The following DRAP1 variants were observed in gnomAD, a reference collection of about 807,000 sequenced individuals.
The protein encoded by DRAP1 is dr1-associated corepressor.
Under a neutral mutation model 24.1 loss-of-function variants are expected in DRAP1, and 10 were observed. That is an observed-to-expected ratio of 0.41 (90% CI 0.26 to 0.70). The LOEUF is 0.70. Ranked by LOEUF, DRAP1 falls within the 30% of genes least tolerant of loss-of-function variation. The probability of loss-of-function intolerance (pLI) is 0.29; values close to 1 mark genes in which losing one functional copy is unlikely to be tolerated. For synonymous variants in DRAP1, 122 were observed against 113.8 expected, an observed-to-expected ratio of 1.07 and a Z score of -0.46; for missense variants, 264 against 275.6, an observed-to-expected ratio of 0.96 and a Z score of 0.30.
chr11:65,919,460 G>A lies in DRAP1; in HGVS notation c.-42G>A. ...GCAGGCCCGGGAGCCGGGAGGCTGCGGGCGGCGGCGCTGGACCCGACGCGG... is the reference window on the plus strand; with the variant it reads ...GCAGGCCCGGGAGCCGGGAGGCTGCAGGCGGCGGCGCTGGACCCGACGCGG... On this transcript the variant is annotated 5_prime_UTR_variant, in exon 1 of 7. Transcript: ENST00000312515. 1.3e-6 allele frequency: 2 copies of A among 1,516,160 alleles called. No individual in the cohort carries two copies. The highest frequency in any genetic ancestry group is 1.8e-6 in the Non-Finnish European group (2 of 1,133,370). The allele number at this position is 1,516,160 out of a possible 1,614,324, so 93.9% of individuals were successfully genotyped here. A position where few individuals can be genotyped will look rare whatever the true frequency, so the allele number is the denominator to read the frequency against.
rs1854530796 is a variant in DRAP1 at position 65,920,234 on chromosome 11, G to A, written c.210-109G>A. Reference sequence around the variant, plus strand: ...GTAAAGCAGGGCAGGCCCGGGAGCGGAGATCGGCCCGGGCTCCAGCCTGAC... The same window carrying A: ...GTAAAGCAGGGCAGGCCCGGGAGCGAAGATCGGCCCGGGCTCCAGCCTGAC... On this transcript the variant is annotated intron_variant, in intron 3 of 6. Transcript: ENST00000312515. 3 of 1,544,044 alleles carry A rather than the reference G, an allele frequency of 1.9e-6. No homozygotes were observed. The African/African-American group carries it at 4.1e-5, about 21-fold the overall frequency.
chr11:65,921,244 A>G, intron 6 of DRAP1, 86 bp from the exon 7 acceptor site: 1 of 755,926 alleles, frequency 1.3e-6, no homozygotes, highest in Non-Finnish European at 2.2e-6. Context: ...GGAGGGTCAG[A>G]TGGGGGAGGG....
Position 65,921,381 on chromosome 11 carries a change from GC to G in DRAP1, c.569del (p.Pro190ArgfsTer28). 1 of 1,610,660 alleles carries G rather than the reference GC, an allele frequency of 6.2e-7. No individual in the cohort carries two copies. Among genetic ancestry groups the G allele is most frequent in the Non-Finnish European group, 8.5e-7 (1 of 1,177,276 alleles). Reference sequence around the variant, plus strand: ...CCTCTACTCTGCCTTTGCCCCCAGCGCCCCCGGGCCCCTCAGCACCTGATGA... The same window carrying G: ...CCTCTACTCTGCCTTTGCCCCCAGCGCCCCGGGCCCCTCAGCACCTGATGA... ...FASTLPLPPA[P>X]PGPSAPDEED... On this transcript the variant is annotated frameshift_variant, in exon 7 of 7. Coordinates refer to ENST00000312515, the MANE Select transcript of DRAP1 (RefSeq NM_006442.4). LOFTEE classifies it high-confidence loss of function.
chr11:65,920,074 G>T, intron 3 of DRAP1, 33 bp downstream of exon 3: 4 of 1,604,702 alleles, frequency 2.5e-6, no homozygotes, highest in Non-Finnish European at 2.6e-6. Context: ...GGGCCGGCGG[G>T]TTTGGCGCGG....
chr11:65,921,544 G>A lies in DRAP1; in HGVS notation c.*109G>A. On this transcript the variant is annotated 3_prime_UTR_variant, in exon 7 of 7. Transcript: ENST00000312515. ...ATTTATTAAAAAAAAAAATAAAAGG[G>A]AATCTCAGTGTCTGTTCCAGGCTCT... is the stretch of plus-strand genomic sequence containing the variant. 1 of 547,406 alleles carries A rather than the reference G, an allele frequency of 1.8e-6. No individual in the cohort carries two copies. Among genetic ancestry groups the A allele is most frequent in the Non-Finnish European group, 3.3e-6 (1 of 305,672 alleles). 33.9% of individuals were successfully genotyped at this position (547,406 alleles called of 1,614,324 possible).
At chr11:65,920,113 C>T (rs1854529621) in intron 3 of DRAP1, 72 bp downstream of exon 3, 1 of 1,558,750 alleles carries the variant, frequency 6.4e-7, no homozygotes, top group Non-Finnish European at 8.7e-7. Context: ...AAGGCAGAGC[C>T]TGGGTGGCGA....
intron 3 of DRAP1, 130 bp from the exon 4 acceptor site, chr11:65,920,213 A>G (rs536936713): frequency 1.3e-6 from 2 of 1,492,444 alleles, no homozygotes; most frequent in East Asian, 4.6e-5. Context: ...ACCTGAGTAA[A>G]GCAGGGCAGG....
Position 65,920,347 on chromosome 11 carries a change from C to T in DRAP1, c.214C>T (p.Gln72Ter), listed in dbSNP as rs1854532285. 1.2e-6 allele frequency: 2 copies of T among 1,614,042 alleles called. No homozygotes were observed. The highest frequency in any genetic ancestry group is 1.7e-6 in the Non-Finnish European group (2 of 1,180,006). Residue 72 changes from glutamine (Q) to a stop codon, truncating the protein, a stop_gained, in exon 4 of 7, where the codon CAG becomes TAG. Coordinates refer to ENST00000312515, the MANE Select transcript of DRAP1 (RefSeq NM_006442.4). LOFTEE classifies it high-confidence loss of function. ...AKTMTTSHLK[Q>*]CIELEQQFDF... ...GCCCCTCCTCACCTCTTCCAGGAAG[C>T]AGTGCATCGAGCTGGAGCAGCAGTT...
chr11:65,920,184 C>T, intron 3 of DRAP1, 143 bp downstream of exon 3: 2 of 1,424,280 alleles, frequency 1.4e-6, no homozygotes, highest in Non-Finnish European at 1.9e-6. Flanking sequence ...AGAGGCTGGG[C>T]TTCCAGGCAG....
At position 65,919,501 on chromosome 11, in the gene DRAP1, G is replaced by A. The variant is rs541770155; in HGVS notation, c.-1G>A. On this transcript the variant is annotated 5_prime_UTR_variant, in exon 1 of 7. Coordinates refer to ENST00000312515, the MANE Select transcript of DRAP1 (RefSeq NM_006442.4). ...CCCGACGCGGCGAGAGAGGCCCCGAGATGCCGAGCAAGAAGAAGAAGTACA... is the reference window on the plus strand; with the variant it reads ...CCCGACGCGGCGAGAGAGGCCCCGAAATGCCGAGCAAGAAGAAGAAGTACA... The A allele has an allele frequency of 7.1e-6, 11 of 1,543,048 alleles. No homozygotes were observed. In the African/African-American group the frequency reaches 1.1e-4, roughly 16 times the overall value.
At position 65,920,953 on chromosome 11, in the gene DRAP1, C is replaced by A; in HGVS notation, c.493C>A (p.Pro165Thr). The A allele has an allele frequency of 6.2e-7, 1 of 1,611,982 alleles. No individual in the cohort carries two copies. The highest frequency in any genetic ancestry group is 8.5e-7 in the Non-Finnish European group (1 of 1,178,928). ...ACAACCCCCACCCCAGGCCAGCCAC[C>A]CCTCTGCCCACTTTCAGAGGTGAGC... Reference protein sequence around the residue: ...TSQPPPQASHPSAHFQSPPTP... With the variant: ...TSQPPPQASHTSAHFQSPPTP... The change falls in exon 6 of 7, where the codon CCC becomes ACC. Residue 165 changes from proline (P) to threonine (T), a missense_variant. Pro to Thr is a conservative substitution (Grantham distance 38). Coordinates refer to ENST00000312515, the MANE Select transcript of DRAP1 (RefSeq NM_006442.4).
intron 1 of DRAP1, 118 bp from the exon 2 acceptor site, chr11:65,919,662 C>T: frequency 6.6e-7 from 1 of 1,522,026 alleles, no homozygotes. Flanking sequence ...CCGCCCCCTC[C>T]ATGCCCTCCC....
Position 65,919,845 on chromosome 11 carries a change from C to T in DRAP1, c.108C>T (p.Val36=). 1.2e-6 allele frequency: 2 copies of T among 1,613,042 alleles called. No homozygotes were observed. Among genetic ancestry groups the T allele is most frequent in the South Asian group, 1.1e-5 (1 of 91,056 alleles). Residue 36 remains valine, a synonymous_variant, in exon 2 of 7, where the codon GTC becomes GTT. Transcript: ENST00000312515. ...EIGKVAAAVP[V]IISRALELFL... is the part of the protein sequence containing the mutation. The stretch of plus-strand genomic sequence containing the variant: ...GGAAGGTGGCGGCGGCGGTGCCTGT[C>T]ATCATCTGTATCCTGCCGGGGGCGG...
intron 1 of DRAP1, 74 bp downstream of exon 1, chr11:65,919,617 G>A: frequency 3.2e-6 from 5 of 1,541,936 alleles, no homozygotes; most frequent in Non-Finnish European, 4.4e-6. Flanking sequence ...CGCTGGGCAG[G>A]CGGGCGCGCC....
intron 2 of DRAP1, 37 bp from the exon 3 acceptor site, chr11:65,919,911 C>G (rs1317852438): frequency 4.3e-6 from 7 of 1,613,420 alleles, no homozygotes; most frequent in Non-Finnish European, 5.1e-6. Flanking sequence ...AGCGGGTCGC[C>G]CTCTCCTGCC....
chr11:65,920,003 C>A lies in DRAP1; in HGVS notation c.171C>A (p.Thr57=). 1 of 1,613,778 alleles carries A rather than the reference C, an allele frequency of 6.2e-7. No individual in the cohort carries two copies. Among genetic ancestry groups the A allele is most frequent in the Non-Finnish European group, 8.5e-7 (1 of 1,179,950 alleles). The part of the protein sequence containing the change: ...ESLLKKACQV[T]QSRNAKTMTT... Reference sequence around the variant, plus strand: ...TGTTGAAGAAGGCCTGCCAGGTGACCCAGTCGCGGAACGCGAAGACCATGA... The same window carrying A: ...TGTTGAAGAAGGCCTGCCAGGTGACACAGTCGCGGAACGCGAAGACCATGA... Residue 57 remains threonine (T), a synonymous_variant, in exon 3 of 7, where the codon ACC becomes ACA. Coordinates refer to ENST00000312515, the MANE Select transcript of DRAP1 (RefSeq NM_006442.4).
intron 1 of DRAP1, 111 bp from the exon 2 acceptor site, chr11:65,919,669 T>A: frequency 6.8e-7 from 1 of 1,467,264 alleles, no homozygotes; most frequent in Admixed American, 2.0e-5. Context: ...CTCCATGCCC[T>A]CCCCGCGTCC....
At chr11:65,919,666 C>T in intron 1 of DRAP1, 114 bp from the exon 2 acceptor site, 2 of 1,517,800 alleles carry the variant, frequency 1.3e-6, no homozygotes, top group South Asian at 2.4e-5. Context: ...CCCCTCCATG[C>T]CCTCCCCGCG....
intron 6 of DRAP1, 70 bp from the exon 7 acceptor site, chr11:65,921,260 C>T: frequency 1.0e-6 from 1 of 954,560 alleles, no homozygotes; most frequent in Non-Finnish European, 1.6e-6. Context: ...GAGGGAGGGT[C>T]TTGGCAGCTG....
Sources: gnomAD v4.1 joint callset for allele counts on GRCh38, gnomAD v4.1.1 for gene constraint, MANE v1.5 for transcripts, NCBI Gene and HGNC (gene_info 2026-07-23, HGNC 2026-07-21) for gene names.